The following DPP10 variants were observed in gnomAD, a reference collection of about 807,000 sequenced individuals.
The protein encoded by DPP10 is inactive dipeptidyl peptidase 10.
In DPP10, 33 loss-of-function variants were observed where a neutral mutation model predicts 120.9. That is an observed-to-expected ratio of 0.27 (90% confidence interval 0.21 to 0.37). The LOEUF (loss-of-function observed/expected upper bound fraction) is 0.37. DPP10 is among the 10% of genes least tolerant of loss of function. DPP10 has a pLI of 1.00. For missense variants in DPP10, 816 were observed against 942.8 expected, an observed-to-expected ratio of 0.87 and a Z score of 1.76; for synonymous variants, 337 against 326.1, an observed-to-expected ratio of 1.03 and a Z score of -0.36.
chr2:115,118,787 G>C (rs916403952), intron 1 of DPP10, among the ~76,000 whole-genome samples: 3 of 142,382 alleles, frequency 2.1e-5, no homozygotes, highest in Non-Finnish European at 4.5e-5. Context: ...GTGTGTGTGT[G>C]TGTGTTTAGT....
chr2:115,805,181 T>G (rs987075595), intron 19 of DPP10, among the ~76,000 whole-genome samples: 17 of 152,258 alleles, frequency 1.1e-4, no homozygotes, highest in Non-Finnish European at 2.4e-4. Context: ...GATCTCAGAC[T>G]GCTGTGCTAG....
chr2:115,687,273 C>T (rs2091043087), intron 5 of DPP10, among the ~76,000 whole-genome samples: 1 of 151,806 alleles, frequency 6.6e-6, no homozygotes. Context: ...AAGATTTTGC[C>T]CTCCCCCATA....
chr2:114,860,548 A>G (rs1689730109), intron 1 of DPP10, among the ~76,000 whole-genome samples: 1 of 152,218 alleles, frequency 6.6e-6, no homozygotes, highest in African/African-American at 2.4e-5. Context: ...TTGTATAAGC[A>G]TATATATTTG....
chr2:115,444,060 T>A (rs1380559732), intron 3 of DPP10, among the ~76,000 whole-genome samples: 2 of 152,142 alleles, frequency 1.3e-5, no homozygotes, highest in African/African-American at 4.8e-5. Flanking sequence ...CTCAAATGAC[T>A]TGCCCTGCCT....
chr2:115,732,656 C>T (rs1037908806), intron 8 of DPP10, among the ~76,000 whole-genome samples: 3 of 151,926 alleles, frequency 2.0e-5, no homozygotes, highest in Non-Finnish European at 4.4e-5. Context: ...TTACAGCTAC[C>T]CACTTCACAG....
chr2:114,770,175 A>T lies in DPP10; in HGVS notation c.60+327337A>T, dbSNP rs373498845. Among the ~76,000 whole-genome samples the T allele has an allele frequency of 2.0e-4, 31 of 152,276 alleles. No homozygotes were observed. In the East Asian group the frequency reaches 4.8e-3, roughly 24 times the overall value. ...CAGGGTTTCTTCCCCTAAAGGCAGC[A>T]GTTGTATGGGAAGCATTCCTGCCTC... On this transcript the variant is annotated intron_variant, in intron 1 of 25. Transcript: ENST00000410059.
intron 1 of DPP10, among the ~76,000 whole-genome samples, chr2:114,850,037 T>C (rs1443732125): frequency 6.4e-5 from 9 of 140,950 alleles, no homozygotes; most frequent in African/African-American, 2.2e-4. Flanking sequence ...CCTTCCCTTT[T>C]CTTCCCTTCT....
At chr2:115,307,149 T>C (rs1160726900) in intron 1 of DPP10, among the ~76,000 whole-genome samples, 1 of 152,134 alleles carries the variant, frequency 6.6e-6, no homozygotes, top group African/African-American at 2.4e-5. Context: ...TCTTACCAGA[T>C]TATTTTGAGG....
At chr2:115,406,303 A>T (rs1197255511) in intron 3 of DPP10, among the ~76,000 whole-genome samples, 1 of 152,216 alleles carries the variant, frequency 6.6e-6, no homozygotes, top group Non-Finnish European at 1.5e-5. Flanking sequence ...TTTACTGTTA[A>T]TATTTCTGTC....
intron 1 of DPP10, among the ~76,000 whole-genome samples, chr2:114,724,731 T>G (rs1205781846): frequency 6.6e-6 from 1 of 152,150 alleles, no homozygotes; most frequent in Non-Finnish European, 1.5e-5. Flanking sequence ...TGAAGCTGGA[T>G]TAAAGTCTGG....
chr2:114,542,961 T>C (rs1687071901), intron 1 of DPP10, among the ~76,000 whole-genome samples: 1 of 152,164 alleles, frequency 6.6e-6, no homozygotes, highest in African/African-American at 2.4e-5. Context: ...TCCTGCTTCA[T>C]TCAAATAAGC....
At chr2:114,716,467 T>C (rs1701353687) in intron 1 of DPP10, among the ~76,000 whole-genome samples, 1 of 152,150 alleles carries the variant, frequency 6.6e-6, no homozygotes, top group Admixed American at 6.6e-5. Flanking sequence ...TTTTATCCAA[T>C]AGAACTTTAT....
At chr2:114,474,805 A>C (rs956891) in intron 1 of DPP10, among the ~76,000 whole-genome samples, 16,457 of 152,104 alleles carry the variant, frequency 0.11, 1,987 homozygotes, top group African/African-American at 0.3. Flanking sequence ...AGATGTTCAA[A>C]ATGGGGAGCT....
chr2:115,675,586 G>A (rs2090190846), intron 5 of DPP10, among the ~76,000 whole-genome samples: 1 of 152,142 alleles, frequency 6.6e-6, no homozygotes, highest in Admixed American at 6.6e-5. Context: ...AGAGCCAAGA[G>A]GTACTCCCCA....
intron 19 of DPP10, among the ~76,000 whole-genome samples, chr2:115,807,791 G>GA (rs200850979): frequency 0.042 from 5,900 of 141,236 alleles, 385 homozygotes; most frequent in African/African-American, 0.15. Context: ...TGGAGATCAA[G>GA]AAAAAAAAAA....
At position 115,380,649 on chromosome 2, in the gene DPP10, G is replaced by A. The variant is rs866306303; in HGVS notation, c.271+36737G>A. On this transcript the variant is annotated intron_variant, in intron 3 of 25. Coordinates refer to ENST00000410059, the MANE Select transcript of DPP10 (RefSeq NM_020868.6). ...GTTGATGCAGTTTCTTCCTAGTCTC[G>A]ATGGTCTTTACATTTTGGCATGATT... is the stretch of plus-strand genomic sequence containing the variant. Among the ~76,000 whole-genome samples, 18 of 151,900 alleles carry A rather than the reference G, an allele frequency of 1.2e-4. No homozygotes were observed. The South Asian group carries it at 3.3e-3, about 28-fold the overall frequency.
At chr2:114,481,787 C>T (rs1255111420) in intron 1 of DPP10, among the ~76,000 whole-genome samples, 1 of 151,888 alleles carries the variant, frequency 6.6e-6, no homozygotes, top group East Asian at 1.9e-4. Flanking sequence ...CCAATTGATT[C>T]TCAGTTCTGT....
intron 1 of DPP10, among the ~76,000 whole-genome samples, chr2:114,762,251 A>T (rs2106106831): frequency 6.6e-6 from 1 of 152,200 alleles, no homozygotes; most frequent in Non-Finnish European, 1.5e-5. Flanking sequence ...TCAAGAATCC[A>T]CTTAGATGTC....
chr2:115,689,643 T>C, intron 5 of DPP10, 44 bp from the exon 6 acceptor site: 1 of 1,252,410 alleles, frequency 8.0e-7, no homozygotes, highest in Non-Finnish European at 1.1e-6. Context: ...TATATTCACA[T>C]TAAGATAAAG....
Sources: allele counts gnomAD v4.1 joint callset (sites outside exome capture counted in the v4.1 genomes callset), GRCh38; gene constraint gnomAD v4.1.1; transcripts MANE v1.5; gene names NCBI Gene and HGNC (gene_info 2026-07-23, HGNC 2026-07-21).